BRINP3: variants seen among roughly 807,000 people sequenced by gnomAD.
BRINP3 encodes BMP/retinoic acid inducible neural specific 3, also known as BMP/retinoic acid-inducible neural-specific protein 3.
BRINP3 carries 19 observed loss-of-function variants against 71.0 expected under a neutral mutation model. The ratio of observed to expected loss-of-function variants is 0.27; its 90% CI spans 0.19 to 0.39. BRINP3 has a LOEUF of 0.39. Ranked by LOEUF, BRINP3 falls within the 10% of genes least tolerant of loss-of-function variation. BRINP3 has a pLI of 1.00. For synonymous variants in BRINP3, 380 were observed against 337.7 expected (o/e 1.13, Z -1.37); for missense variants, 959 against 940.8 (o/e 1.02, Z -0.25).
intron 2 of BRINP3, among the ~76,000 whole-genome samples, chr1:190,405,813 G>C (rs890297722): frequency 6.6e-5 from 10 of 152,170 alleles, no homozygotes; most frequent in Admixed American, 6.5e-4. Context: ...ACATGCTACA[G>C]CAACTGTGTA....
At chr1:190,446,728 G>A (rs1265619062) in intron 2 of BRINP3, among the ~76,000 whole-genome samples, 2 of 152,042 alleles carry the variant, frequency 1.3e-5, no homozygotes, top group East Asian at 3.9e-4. Flanking sequence ...TTTTACAAAT[G>A]AGGAGACTGA....
At chr1:190,164,730 A>G (rs1243910904) in intron 6 of BRINP3, among the ~76,000 whole-genome samples, 1 of 151,932 alleles carries the variant, frequency 6.6e-6, no homozygotes, top group Non-Finnish European at 1.5e-5. Context: ...AGGTAGGATT[A>G]CATGCCTAGC....
At chr1:190,312,799 G>A (rs1665626474) in intron 2 of BRINP3, among the ~76,000 whole-genome samples, 1 of 151,770 alleles carries the variant, frequency 6.6e-6, no homozygotes, top group Non-Finnish European at 1.5e-5. Context: ...TTCAGGAAAT[G>A]TCATGTCATA....
intron 5 of BRINP3, among the ~76,000 whole-genome samples, chr1:190,228,189 T>A (rs986071640): frequency 1.3e-5 from 2 of 151,894 alleles, no homozygotes; most frequent in Admixed American, 6.6e-5. Flanking sequence ...ACCAAATTAC[T>A]GCACATTTCA....
At chr1:190,452,597 G>C (rs140899466) in intron 2 of BRINP3, among the ~76,000 whole-genome samples, 3 of 152,078 alleles carry the variant, frequency 2.0e-5, no homozygotes, top group Admixed American at 1.3e-4. Flanking sequence ...GGTGGCTCAC[G>C]CCTGTAATCC....
intron 2 of BRINP3, among the ~76,000 whole-genome samples, chr1:190,366,459 A>G (rs191346540): frequency 1.1e-3 from 171 of 152,246 alleles, no homozygotes; most frequent in African/African-American, 3.1e-3. Context: ...GGGAACTACA[A>G]TTCAAGATGA....
At chr1:190,442,962 G>C (rs186232674) in intron 2 of BRINP3, among the ~76,000 whole-genome samples, 491 of 147,800 alleles carry the variant, frequency 3.3e-3, no homozygotes, top group Non-Finnish European at 4.4e-3. Flanking sequence ...CCCAAGGCTG[G>C]AGTGCAATGG....
At chr1:190,449,881 C>T (rs926949752) in intron 2 of BRINP3, among the ~76,000 whole-genome samples, 1 of 152,078 alleles carries the variant, frequency 6.6e-6, no homozygotes, top group Non-Finnish European at 1.5e-5. Flanking sequence ...TCTGAAAGTC[C>T]TTGTTCCTTG....
intron 2 of BRINP3, among the ~76,000 whole-genome samples, chr1:190,296,876 C>A (rs561890105): frequency 6.6e-6 from 1 of 151,974 alleles, no homozygotes; most frequent in African/African-American, 2.4e-5. Flanking sequence ...CACTGGAAAT[C>A]ATAAGGCACT....
At chr1:190,291,288 G>C (rs1291215855) in intron 2 of BRINP3, among the ~76,000 whole-genome samples, 1 of 151,988 alleles carries the variant, frequency 6.6e-6, no homozygotes, top group Non-Finnish European at 1.5e-5. Flanking sequence ...TCTGAGCTCA[G>C]GGTGCAGAGA....
intron 2 of BRINP3, among the ~76,000 whole-genome samples, chr1:190,415,011 G>A (rs1006682453): frequency 6.6e-5 from 10 of 152,124 alleles, no homozygotes; most frequent in Admixed American, 2.0e-4. Flanking sequence ...ACTATTTTAA[G>A]TGCTTAGTTA....
intron 2 of BRINP3, among the ~76,000 whole-genome samples, chr1:190,362,739 C>A (rs1470753639): frequency 6.6e-6 from 1 of 152,156 alleles, no homozygotes; most frequent in Admixed American, 6.5e-5. Flanking sequence ...GGGAAAACCC[C>A]TTTTGCTTTC....
intron 7 of BRINP3, among the ~76,000 whole-genome samples, chr1:190,127,537 T>A (rs1654187876): frequency 6.6e-6 from 1 of 151,856 alleles, no homozygotes; most frequent in Non-Finnish European, 1.5e-5. Context: ...GTTACATGAG[T>A]TTTTGTTACA....
At chr1:190,279,788 G>C (rs1662898718) in intron 3 of BRINP3, among the ~76,000 whole-genome samples, 1 of 151,826 alleles carries the variant, frequency 6.6e-6, no homozygotes, top group Non-Finnish European at 1.5e-5. Flanking sequence ...TTGTGAATTT[G>C]ACCCAGTTGG....
chr1:190,454,087 C>T (rs1372141519), intron 2 of BRINP3, among the ~76,000 whole-genome samples: 1 of 152,162 alleles, frequency 6.6e-6, no homozygotes, highest in Non-Finnish European at 1.5e-5. Flanking sequence ...AAACATAGAA[C>T]ATTGATAGAT....
intron 2 of BRINP3, among the ~76,000 whole-genome samples, chr1:190,443,576 C>T (rs1399618575): frequency 6.6e-6 from 1 of 152,134 alleles, no homozygotes; most frequent in Non-Finnish European, 1.5e-5. Context: ...TGAAACAGAA[C>T]CAGGCAGCCA....
Position 190,149,270 on chromosome 1 carries a change from G to A in BRINP3, c.1184+11398C>T, listed in dbSNP as rs1656176879. ...TGGCTCTTCATCAAGAGATATTGGT[G>A]GATTCCACTGCATGTCTCTTCTGCT... On this transcript the variant is annotated intron_variant, in intron 7 of 7. Transcript: ENST00000367462. 2.0e-5 allele frequency among the ~76,000 whole-genome samples: 3 copies of A among 152,084 alleles called. No individual in the cohort carries two copies. The South Asian group carries it at 6.2e-4, about 32-fold the overall frequency.
intron 2 of BRINP3, among the ~76,000 whole-genome samples, chr1:190,326,999 C>G (rs1448687949): frequency 7.1e-6 from 1 of 141,468 alleles, no homozygotes. Context: ...GTAAAACAGA[C>G]AGTGTCAAGT....
At chr1:190,234,120 A>C (rs960431454) in intron 5 of BRINP3, among the ~76,000 whole-genome samples, 14 of 152,266 alleles carry the variant, frequency 9.2e-5, no homozygotes, top group East Asian at 7.7e-4. Flanking sequence ...CGTAAGAAAA[A>C]TATTATTAGG....
Sources: gnomAD v4.1 joint callset for allele counts (sites outside exome capture counted in the v4.1 genomes callset) on GRCh38, gnomAD v4.1.1 for gene constraint, MANE v1.5 for transcripts, NCBI Gene and HGNC (gene_info 2026-07-23, HGNC 2026-07-21) for gene names.